The following NIT2 variants were observed in gnomAD, a reference collection of about 807,000 sequenced individuals.
NIT2 encodes omega-amidase NIT2.
NIT2 carries 46 observed loss-of-function variants against 42.7 expected under a neutral mutation model. The ratio of observed to expected loss-of-function variants is 1.08; its 90% CI spans 0.85 to 1.38. NIT2 has a LOEUF of 1.38. NIT2 is among the 40% of genes most tolerant of loss of function. The probability of loss-of-function intolerance (pLI) is 0.00; values close to 1 mark genes in which losing one functional copy is unlikely to be tolerated. For missense variants in NIT2, 309 were observed against 342.5 expected (o/e 0.90, Z 0.77); for synonymous variants, 123 against 121.9 (o/e 1.01, Z -0.06).
At chr3:100,336,854 C>T (rs1463362578) in intron 1 of NIT2, among the ~76,000 whole-genome samples, 1 of 152,210 alleles carries the variant, frequency 6.6e-6, no homozygotes, top group Admixed American at 6.5e-5. Context: ...TTGCACTAAT[C>T]CTCCTCAGCA....
chr3:100,352,519 G>A lies in NIT2; in HGVS notation c.683+17G>A, dbSNP rs1248835739. The A allele has an allele frequency of 1.3e-6, 2 of 1,596,684 alleles. No homozygotes were observed. The highest frequency in any genetic ancestry group is 2.7e-5 in the African/African-American group (2 of 74,582). On this transcript the variant is annotated intron_variant, in intron 8 of 9. Coordinates refer to ENST00000394140, the MANE Select transcript of NIT2 (RefSeq NM_020202.5). The stretch of plus-strand genomic sequence containing the variant: ...GAACCCTTGGTGAGTAAGGCTAAGT[G>A]AGAATAGGCTCAGTCGGAGCTTGAG...
chr3:100,342,181 C>T (rs1706164124), intron 4 of NIT2, among the ~76,000 whole-genome samples: 1 of 152,146 alleles, frequency 6.6e-6, no homozygotes, highest in Admixed American at 6.5e-5. Flanking sequence ...ATCACTATAG[C>T]CACTCCAGCC....
Position 100,348,013 on chromosome 3 carries a change from C to T in NIT2, c.506-790C>T, listed in dbSNP as rs113716832. Among the ~76,000 whole-genome samples, 1,004 of 152,230 alleles carry T rather than the reference C, an allele frequency of 6.6e-3. 9 individuals are homozygous for T. The highest frequency in any genetic ancestry group is 0.023 in the African/African-American group (941 of 41,544). On this transcript the variant is annotated intron_variant, in intron 6 of 9. Coordinates refer to ENST00000394140, the MANE Select transcript of NIT2 (RefSeq NM_020202.5). ...TCAAGCAATTCTCCTGCCTCAGCCT[C>T]CCCAGTAGCTGGGATTATAGGCGCT...
In NIT2 at chr3:100,360,979, C is replaced by T. The variant is rs894931543; in HGVS notation, c.*5711C>T. 2.0e-5 allele frequency: 3 copies of T among 152,388 alleles called. No individual in the cohort carries two copies. Among genetic ancestry groups the T allele is most frequent in the Non-Finnish European group, 4.4e-5 (3 of 68,058 alleles). 9.4% of individuals were successfully genotyped at this position (152,388 alleles called of 1,614,324 possible). ...CGCAAACCCACTGCATGTGCAGTATCCACCTAGCTTGCCCTGTGTCACTCC... is the reference window on the plus strand; with the variant it reads ...CGCAAACCCACTGCATGTGCAGTATTCACCTAGCTTGCCCTGTGTCACTCC... On this transcript the variant is annotated 3_prime_UTR_variant, in exon 10 of 10. Transcript: ENST00000394140.
At position 100,360,881 on chromosome 3, in the gene NIT2, G is replaced by A. The variant is rs921398623; in HGVS notation, c.*5613G>A. 6.6e-6 allele frequency: 1 copy of A among 152,228 alleles called. No homozygotes were observed. Among genetic ancestry groups the A allele is most frequent in the Admixed American group, 6.5e-5 (1 of 15,286 alleles). 9.4% of individuals were successfully genotyped at this position (152,228 alleles called of 1,614,324 possible). A position where few individuals can be genotyped will look rare whatever the true frequency, so the allele number is the denominator to read the frequency against. On this transcript the variant is annotated 3_prime_UTR_variant, in exon 10 of 10. Transcript: ENST00000394140. ...ACAGGTTTGTTTACTATCTGATACAGTCAAAATAGTGTTTCCCTCTAATGC... is the reference window on the plus strand; with the variant it reads ...ACAGGTTTGTTTACTATCTGATACAATCAAAATAGTGTTTCCCTCTAATGC...
intron 6 of NIT2, among the ~76,000 whole-genome samples, chr3:100,347,563 G>GT (rs1272951466): frequency 2.4e-4 from 36 of 152,088 alleles, no homozygotes; most frequent in Non-Finnish European, 2.9e-4. Flanking sequence ...CCAAGTAGCT[G>GT]GGACTCTAGG....
intron 4 of NIT2, among the ~76,000 whole-genome samples, chr3:100,345,031 T>G (rs1371116789): frequency 2.0e-5 from 3 of 151,898 alleles, no homozygotes; most frequent in Admixed American, 1.3e-4. Context: ...CTCGGCTCAC[T>G]GCAACCTCCA....
At chr3:100,348,553 C>G (rs1239887943) in intron 6 of NIT2, among the ~76,000 whole-genome samples, 4 of 152,196 alleles carry the variant, frequency 2.6e-5, no homozygotes. Context: ...ATTTCTGTCT[C>G]AAAGTCACAT....
Position 100,339,820 on chromosome 3 carries a change from C to T in NIT2, c.132C>T (p.Cys44=). The stretch of plus-strand genomic sequence containing the variant: ...CTCTGCCAATATTTTTCTAGGAATG[C>T]TTTAATTCTCCATATGGAGCGAAAT... ...QGAKIVSLPE[C]FNSPYGAKYF... Residue 44 remains cysteine (C), a synonymous_variant, in exon 3 of 10, where the codon TGC becomes TGT. Coordinates refer to ENST00000394140, the MANE Select transcript of NIT2 (RefSeq NM_020202.5). 1 of 1,602,544 alleles carries T rather than the reference C, an allele frequency of 6.2e-7. No homozygotes were observed. Among genetic ancestry groups the T allele is most frequent in the Non-Finnish European group, 8.5e-7 (1 of 1,176,256 alleles).
At chr3:100,354,130 T>C (rs1056004885) in intron 8 of NIT2, among the ~76,000 whole-genome samples, 1 of 152,206 alleles carries the variant, frequency 6.6e-6, no homozygotes, top group African/African-American at 2.4e-5. Flanking sequence ...AGTGTGGCTG[T>C]TCCCTAGTGC....
intron 6 of NIT2, 107 bp from the exon 7 acceptor site, chr3:100,348,696 T>C: frequency 1.2e-6 from 1 of 800,244 alleles, no homozygotes; most frequent in East Asian, 2.6e-5. Context: ...TCTTTTTATG[T>C]TTGGGAAAGT....
intron 6 of NIT2, among the ~76,000 whole-genome samples, chr3:100,347,847 C>G (rs1046571900): frequency 2.0e-5 from 3 of 151,838 alleles, no homozygotes; most frequent in Non-Finnish European, 4.4e-5. Flanking sequence ...TGTGTGTACT[C>G]AAGAGAGTCA....
intron 1 of NIT2, chr3:100,335,023 C>A (rs1483419321): frequency 1.8e-6 from 1 of 543,064 alleles, no homozygotes; most frequent in Non-Finnish European, 3.4e-6. Context: ...GCCCAGAAAG[C>A]ACCAGGCCAC....
At chr3:100,349,141 G>A in intron 7 of NIT2, 2 of 322,442 alleles carry the variant, frequency 6.2e-6, no homozygotes, top group South Asian at 6.5e-5. Flanking sequence ...TTAAGAGACG[G>A]GTCTTACCAT....
intron 1 of NIT2, among the ~76,000 whole-genome samples, chr3:100,336,849 C>A (rs1488116981): frequency 6.6e-6 from 1 of 152,186 alleles, no homozygotes; most frequent in Non-Finnish European, 1.5e-5. Context: ...TCCTCTTGCA[C>A]TAATCCTCCT....
intron 7 of NIT2, chr3:100,349,141 G>T: frequency 3.1e-6 from 1 of 322,440 alleles, no homozygotes; most frequent in Non-Finnish European, 5.9e-6. Context: ...TTAAGAGACG[G>T]GTCTTACCAT....
chr3:100,353,949 C>G (rs570712484), intron 8 of NIT2, among the ~76,000 whole-genome samples: 13 of 151,960 alleles, frequency 8.6e-5, no homozygotes, highest in Non-Finnish European at 1.9e-4. Flanking sequence ...ATAATTTTTG[C>G]ATTTTTAGTA....
chr3:100,345,661 T>C lies in NIT2; in HGVS notation c.413T>C (p.Phe138Ser), dbSNP rs1490669797. 2 of 1,610,884 alleles carry C rather than the reference T, an allele frequency of 1.2e-6. No individual in the cohort carries two copies. Among genetic ancestry groups the C allele is most frequent in the Non-Finnish European group, 1.7e-6 (2 of 1,177,386 alleles). ...AAAACATTGAGTCCGGGTGATAGTT[T>C]CTCCACATTTGATACTCGTATGTAC... ...ESKTLSPGDS[F>S]STFDTPYCRV... The change falls in exon 5 of 10, where the codon TTC becomes TCC. Residue 138 changes from phenylalanine to serine, a missense_variant. Physicochemically the swap from Phe to Ser is radical, Grantham distance 155. Coordinates refer to ENST00000394140, the MANE Select transcript of NIT2 (RefSeq NM_020202.5).
intron 4 of NIT2, among the ~76,000 whole-genome samples, chr3:100,344,876 C>G (rs1706195889): frequency 6.6e-6 from 1 of 151,700 alleles, no homozygotes; most frequent in Non-Finnish European, 1.5e-5. Context: ...GAACTCCTGA[C>G]CTCAGGTGAT....
Sources: allele counts gnomAD v4.1 joint callset (sites outside exome capture counted in the v4.1 genomes callset), GRCh38; gene constraint gnomAD v4.1.1; transcripts MANE v1.5; gene names NCBI Gene and HGNC (gene_info 2026-07-23, HGNC 2026-07-21).